Variants in CA5A observed in about 807,000 individuals in gnomAD.
CA5A encodes the protein carbonic anhydrase 5A.
A neutral mutation model predicts 37.1 loss-of-function variants in CA5A; 28 were observed. The ratio of observed to expected loss-of-function variants is 0.75; its 90% confidence interval spans 0.56 to 1.03. The LOEUF is 1.03. Among genes scored for constraint, CA5A ranks in the 50% least tolerant of loss-of-function variants. The probability of loss-of-function intolerance (pLI) is 0.00; values close to 1 mark genes in which losing one functional copy is unlikely to be tolerated. For synonymous variants in CA5A, 171 were observed against 158.4 expected (o/e 1.08, Z -0.60); for missense variants, 444 against 399.9 (o/e 1.11, Z -0.94).
downstream of CA5A, chr16:87,887,872 G>C: frequency 2.5e-6 from 1 of 399,604 alleles, no homozygotes; most frequent in Non-Finnish European, 4.4e-6. Flanking sequence ...CCAAGTTTGT[G>C]GTACTTCGTT....
At chr16:87,922,129 G>A (rs1419422545) in intron 2 of CA5A, among the ~76,000 whole-genome samples, 2 of 152,102 alleles carry the variant, frequency 1.3e-5, no homozygotes, top group East Asian at 1.9e-4. Context: ...CCGCCGGGCC[G>A]ACAGGAGTCT....
intron 5 of CA5A, among the ~76,000 whole-genome samples, chr16:87,896,316 T>C (rs2055801941): frequency 6.6e-6 from 1 of 152,206 alleles, no homozygotes; most frequent in African/African-American, 2.4e-5. Flanking sequence ...AATTAAGCTT[T>C]CTGCCTTGGG....
chr16:87,897,676 G>T (rs1004776730), intron 5 of CA5A, among the ~76,000 whole-genome samples: 33 of 152,238 alleles, frequency 2.2e-4, no homozygotes, highest in African/African-American at 6.5e-4. Flanking sequence ...GTGGGCGCCA[G>T]GATGACTGGG....
intron 2 of CA5A, among the ~76,000 whole-genome samples, chr16:87,917,055 A>G (rs2056154939): frequency 6.6e-6 from 1 of 151,302 alleles, no homozygotes; most frequent in Non-Finnish European, 1.5e-5. Context: ...CAGTGAGCCA[A>G]GACAGCTCCA....
chr16:87,926,470 C>G (rs1217778530), intron 2 of CA5A, among the ~76,000 whole-genome samples: 2 of 152,238 alleles, frequency 1.3e-5, no homozygotes, highest in Non-Finnish European at 2.9e-5. Flanking sequence ...GCAAGGCGAG[C>G]CCCACGGGAA....
chr16:87,892,991 T>G (rs1361741618), intron 5 of CA5A: 8 of 1,209,220 alleles, frequency 6.6e-6, no homozygotes, highest in Non-Finnish European at 9.6e-6. Context: ...CCAAGAAGGA[T>G]GTCCACATGC....
intron 2 of CA5A, among the ~76,000 whole-genome samples, chr16:87,921,021 G>T (rs1597578302): frequency 6.6e-6 from 1 of 151,902 alleles, no homozygotes; most frequent in Admixed American, 6.6e-5. Flanking sequence ...TCGAACTCCT[G>T]ACCTCAGGTG....
intron 2 of CA5A, among the ~76,000 whole-genome samples, chr16:87,921,762 C>T (rs1477423307): frequency 6.6e-6 from 1 of 152,220 alleles, no homozygotes; most frequent in Admixed American, 6.5e-5. Context: ...ATCAGCGGCA[C>T]CTGGGAGCCT....
downstream of CA5A, chr16:87,884,876 G>C (rs377672296): frequency 1.2e-4 from 18 of 152,254 alleles, no homozygotes; most frequent in African/African-American, 4.1e-4. Context: ...CTATAAGCTT[G>C]ATCCAGACCC....
intron 5 of CA5A, among the ~76,000 whole-genome samples, chr16:87,897,032 G>A (rs2055812786): frequency 6.6e-6 from 1 of 152,236 alleles, no homozygotes. Flanking sequence ...TCCTCTTAGA[G>A]TCTCAGTTTC....
chr16:87,893,146 C>CT lies in CA5A; in HGVS notation c.619-1193dup, dbSNP rs1555519772. On this transcript the variant is annotated intron_variant, in intron 5 of 6. Coordinates refer to ENST00000649794, the MANE Select transcript of CA5A (RefSeq NM_001739.2). ...TCTTCCTTTCTTTCTTTCTTTCTTTCTTTTTTTTTTCAGACAGAGTCTCCA... is the reference window on the plus strand; with the variant it reads ...TCTTCCTTTCTTTCTTTCTTTCTTTCTTTTTTTTTTTCAGACAGAGTCTCCA... 8.5e-3 allele frequency: 3,264 copies of CT among 382,822 alleles called. 2 individuals are homozygous for CT. The highest frequency in any genetic ancestry group is 0.012 in the South Asian group (245 of 20,938). The allele number at this position is 382,822 out of a possible 1,614,324, so 23.7% of individuals were successfully genotyped here.
At chr16:87,929,883 A>T (rs1296369569) in intron 1 of CA5A, among the ~76,000 whole-genome samples, 2 of 151,342 alleles carry the variant, frequency 1.3e-5, no homozygotes, top group East Asian at 3.8e-4. Flanking sequence ...AAAAAAAAAA[A>T]AAAAAAAAAA....
intron 5 of CA5A, among the ~76,000 whole-genome samples, chr16:87,895,222 C>G (rs1394737369): frequency 6.6e-6 from 1 of 152,010 alleles, no homozygotes; most frequent in Non-Finnish European, 1.5e-5. Context: ...TGCACTCTAG[C>G]CTCGGTGACG....
intron 2 of CA5A, chr16:87,924,354 G>A: frequency 1.0e-6 from 1 of 973,690 alleles, no homozygotes; most frequent in African/African-American, 1.8e-5. Context: ...AGGAGAGAGA[G>A]ACACTGGAAG....
At chr16:87,926,710 G>A in intron 2 of CA5A, 38 bp downstream of exon 2, 1 of 1,533,432 alleles carries the variant, frequency 6.5e-7, no homozygotes, top group Non-Finnish European at 9.0e-7. Flanking sequence ...CAGAACAACG[G>A]GAGAGGACAA....
chr16:87,899,523 G>A (rs1453633553), intron 5 of CA5A, among the ~76,000 whole-genome samples: 6 of 150,640 alleles, frequency 4.0e-5, no homozygotes, highest in Admixed American at 6.6e-5. Flanking sequence ...GGCTGGTTTT[G>A]AACACCTGAC....
downstream of CA5A, chr16:87,884,091 T>C (rs1447813696): frequency 6.6e-6 from 1 of 151,664 alleles, no homozygotes; most frequent in African/African-American, 2.4e-5. Context: ...CTTTCTCTCT[T>C]CTGGCGGGAA....
intron 1 of CA5A, among the ~76,000 whole-genome samples, chr16:87,929,507 G>A (rs572959507): frequency 6.6e-6 from 1 of 151,282 alleles, no homozygotes; most frequent in Admixed American, 6.6e-5. Context: ...CTCCACCTAG[G>A]TCAAATGGTT....
rs7186698 is a variant in CA5A at position 87,904,792 on chromosome 16, G to C, written c.453C>G (p.Pro151=). The C allele has an allele frequency of 2.5e-6, 4 of 1,598,576 alleles. No individual in the cohort carries two copies. Among genetic ancestry groups the C allele is most frequent in the Non-Finnish European group, 3.4e-6 (4 of 1,165,952 alleles). ...TTAGGCCACGTCTACAAACCTCTGC[G>C]GGGTACGCGTGGCCGTCCACTGTGT... The part of the protein sequence containing the change: ...SEHTVDGHAY[P]AELHLVHWNS... Residue 151 remains proline (P), a synonymous_variant, in exon 3 of 7, where the codon CCC becomes CCG. Coordinates refer to ENST00000649794, the MANE Select transcript of CA5A (RefSeq NM_001739.2).
Sources: allele counts gnomAD v4.1 joint callset (sites outside exome capture counted in the v4.1 genomes callset), GRCh38; gene constraint gnomAD v4.1.1; transcripts MANE v1.5; gene names NCBI Gene and HGNC (gene_info 2026-07-23, HGNC 2026-07-21).